The following TAPT1 variants were observed in gnomAD, a reference collection of about 807,000 sequenced individuals.
TAPT1 encodes the protein transmembrane anterior posterior transformation protein 1 homolog.
In TAPT1, 28 loss-of-function variants were observed where a neutral mutation model predicts 65.6. The ratio of observed to expected loss-of-function variants is 0.43; its 90% CI spans 0.32 to 0.59. The LOEUF is 0.59. TAPT1 is among the 20% of genes least tolerant of loss of function. The pLI is 0.09. For synonymous variants in TAPT1, 278 were observed against 245.2 expected, an observed-to-expected ratio of 1.13 and a Z score of -1.25; for missense variants, 563 against 679.9, an observed-to-expected ratio of 0.83 and a Z score of 1.91.
At chr4:16,178,585 T>C (rs563416316) in intron 8 of TAPT1, among the ~76,000 whole-genome samples, 1 of 152,196 alleles carries the variant, frequency 6.6e-6, no homozygotes, top group African/African-American at 2.4e-5. Flanking sequence ...GCATTATAAT[T>C]ACCCACTTCC....
At chr4:16,192,765 C>T (rs374181141) in intron 3 of TAPT1, among the ~76,000 whole-genome samples, 1 of 152,220 alleles carries the variant, frequency 6.6e-6, no homozygotes, top group South Asian at 2.1e-4. Flanking sequence ...TAAAACGGCC[C>T]GAGTACTTTT....
At chr4:16,192,113 T>C (rs1201596996) in intron 3 of TAPT1, among the ~76,000 whole-genome samples, 2 of 152,212 alleles carry the variant, frequency 1.3e-5, no homozygotes, top group Non-Finnish European at 2.9e-5. Flanking sequence ...TATGAAAGTG[T>C]ATCTGTAGGA....
At chr4:16,219,550 G>GA (rs980751435) in intron 1 of TAPT1, among the ~76,000 whole-genome samples, 1 of 152,190 alleles carries the variant, frequency 6.6e-6, no homozygotes, top group African/African-American at 2.4e-5. Context: ...ATACACTAAA[G>GA]AAATACTAAC....
intron 12 of TAPT1, 88 bp from the exon 13 acceptor site, chr4:16,166,881 T>G: frequency 7.7e-7 from 1 of 1,300,426 alleles, no homozygotes; most frequent in African/African-American, 1.5e-5. Flanking sequence ...AAGGAGAAGG[T>G]GGGGGGGCAT....
chr4:16,223,593 C>A (rs1377448949), intron 1 of TAPT1, among the ~76,000 whole-genome samples: 2 of 152,150 alleles, frequency 1.3e-5, no homozygotes, highest in Non-Finnish European at 2.9e-5. Context: ...CATGCGTCAG[C>A]CTATTGCCAG....
rs35367114 is a variant in TAPT1 at position 16,188,596 on chromosome 4, A to T, written c.613-241T>A. ...CTAATTAGCTATGTTTGTAACAAAG[A>T]AAGTCTTAAATAGTGGCAAAAATAA... is the stretch of plus-strand genomic sequence containing the variant. On this transcript the variant is annotated intron_variant, in intron 4 of 13. Transcript: ENST00000405303. 0.053 allele frequency among the ~76,000 whole-genome samples: 8,121 copies of T among 152,268 alleles called. 238 individuals are homozygous for T. The highest frequency in any genetic ancestry group is 0.14 in the Middle Eastern group (42 of 294).
chr4:16,199,355 T>C (rs1364290999), intron 3 of TAPT1, among the ~76,000 whole-genome samples: 1 of 152,232 alleles, frequency 6.6e-6, no homozygotes, highest in East Asian at 1.9e-4. Context: ...ATTTTAGCTA[T>C]AAAACTTTGA....
At chr4:16,185,476 C>A (rs1407099442) in intron 7 of TAPT1, among the ~76,000 whole-genome samples, 1 of 151,740 alleles carries the variant, frequency 6.6e-6, no homozygotes, top group Non-Finnish European at 1.5e-5. Context: ...TCAAGCAATT[C>A]TCCTGCCTCA....
intron 12 of TAPT1, among the ~76,000 whole-genome samples, chr4:16,167,181 C>A (rs1747698413): frequency 6.6e-6 from 1 of 151,880 alleles, no homozygotes; most frequent in African/African-American, 2.4e-5. Context: ...TTAGTAGAGA[C>A]AGGGTTTCAC....
At chr4:16,218,711 T>C (rs1751082541) in intron 1 of TAPT1, among the ~76,000 whole-genome samples, 1 of 152,252 alleles carries the variant, frequency 6.6e-6, no homozygotes, top group South Asian at 2.1e-4. Flanking sequence ...TATGAAAGTA[T>C]ATAAAAACTG....
intron 5 of TAPT1, among the ~76,000 whole-genome samples, chr4:16,187,281 T>A (rs938106088): frequency 2.0e-4 from 30 of 152,142 alleles, no homozygotes; most frequent in Non-Finnish European, 3.5e-4. Context: ...TTAAAATAAT[T>A]TGCATTCTAA....
At chr4:16,171,557 T>C (rs73798858) in intron 11 of TAPT1, among the ~76,000 whole-genome samples, 3,339 of 152,234 alleles carry the variant, frequency 0.022, 123 homozygotes, top group African/African-American at 0.076. Flanking sequence ...ATAAACATCA[T>C]AATGGTACAC....
intron 9 of TAPT1, among the ~76,000 whole-genome samples, chr4:16,175,771 A>T (rs1197288133): frequency 2.0e-5 from 3 of 152,300 alleles, no homozygotes; most frequent in Admixed American, 1.3e-4. Context: ...AAAATATTTT[A>T]AAAACCTAGC....
At chr4:16,171,988 C>G (rs1004940365) in intron 11 of TAPT1, among the ~76,000 whole-genome samples, 14 of 152,054 alleles carry the variant, frequency 9.2e-5, no homozygotes, top group Admixed American at 2.6e-4. Context: ...TAACTTGTCA[C>G]AGAGGCCTCG....
chr4:16,186,746 T>C (rs769648952), intron 6 of TAPT1, 35 bp downstream of exon 6: 1 of 1,510,594 alleles, frequency 6.6e-7, no homozygotes, highest in South Asian at 1.1e-5. Context: ...AATGCCTGTA[T>C]AACTTCAAAA....
chr4:16,160,625 G>A lies in TAPT1; in HGVS notation c.*2683C>T, dbSNP rs1182569374. 2.6e-5 allele frequency: 4 copies of A among 152,178 alleles called. No individual in the cohort carries two copies. The highest frequency in any genetic ancestry group is 1.3e-4 in the Admixed American group (2 of 15,280). 9.4% of individuals were successfully genotyped at this position (152,178 alleles called of 1,614,324 possible). A position where few individuals can be genotyped will look rare whatever the true frequency, so the allele number is the denominator to read the frequency against. ...TTGTTCCTATCAGTCTTCCACAGAC[G>A]AACAGGGACTTATCTTGCTCATTGC... On this transcript the variant is annotated 3_prime_UTR_variant, in exon 14 of 14. Coordinates refer to ENST00000405303, the MANE Select transcript of TAPT1 (RefSeq NM_153365.3).
chr4:16,182,311 A>G (rs924445393), intron 7 of TAPT1, among the ~76,000 whole-genome samples: 1 of 152,218 alleles, frequency 6.6e-6, no homozygotes, highest in Non-Finnish European at 1.5e-5. Flanking sequence ...AATCAGCAAC[A>G]TATTTATACC....
intron 13 of TAPT1, among the ~76,000 whole-genome samples, chr4:16,164,894 C>T (rs539583337): frequency 1.7e-4 from 26 of 152,254 alleles, no homozygotes; most frequent in African/African-American, 5.8e-4. Context: ...ACTTTATTTT[C>T]GCTTCCGGTT....
chr4:16,166,051 C>G (rs1578404676), intron 13 of TAPT1, among the ~76,000 whole-genome samples: 1 of 152,346 alleles, frequency 6.6e-6, no homozygotes, highest in African/African-American at 2.4e-5. Flanking sequence ...AGTCCTTTTC[C>G]CTGGGATGGG....
Sources: gnomAD v4.1 joint callset for allele counts (sites outside exome capture counted in the v4.1 genomes callset) on GRCh38, gnomAD v4.1.1 for gene constraint, MANE v1.5 for transcripts, NCBI Gene and HGNC (gene_info 2026-07-23, HGNC 2026-07-21) for gene names.